PCDHA8: variants seen among roughly 807,000 people sequenced by gnomAD.
PCDHA8 encodes protocadherin alpha-8.
In PCDHA8, 53 loss-of-function variants were observed where a neutral mutation model predicts 61.8. That is an observed-to-expected ratio of 0.86 (90% CI 0.69 to 1.08). PCDHA8 has a LOEUF of 1.08. PCDHA8 is among the 50% of genes least tolerant of loss of function. The pLI is 0.00. For missense variants in PCDHA8, 1,293 were observed against 1,245.0 expected (o/e 1.04, Z -0.58); for synonymous variants, 618 against 556.6 (o/e 1.11, Z -1.55).
At chr5:140,981,289 C>G (rs1554242771) in intron 2 of PCDHA8, among the ~76,000 whole-genome samples, 1 of 152,138 alleles carries the variant, frequency 6.6e-6, no homozygotes, top group Non-Finnish European at 1.5e-5. Flanking sequence ...AAAGGGTCCT[C>G]TAGTCTAGGT....
rs543216216 is a variant in PCDHA8, at chr5:140,917,329, G to A, written c.2395-61620G>A. 1.4e-4 allele frequency among the ~76,000 whole-genome samples: 20 copies of A among 144,014 alleles called. 2 individuals are homozygous for A. In the South Asian group the frequency reaches 2.0e-3, roughly 14 times the overall value. The allele number at this position is 144,014 out of a possible 152,430, so 94.5% of individuals were successfully genotyped here. ...ACAATTTGGTGTTCATGTGGCGGGG[G>A]AGGGGGGGGATGGTGTAGGCTTCTG... is the stretch of plus-strand genomic sequence containing the variant. On this transcript the variant is annotated intron_variant, in intron 1 of 3. Coordinates refer to ENST00000531613, the MANE Select transcript of PCDHA8 (RefSeq NM_018911.3).
chr5:140,855,609 T>C (rs1471221233), intron 1 of PCDHA8, among the ~76,000 whole-genome samples: 1 of 149,748 alleles, frequency 6.7e-6, no homozygotes, highest in African/African-American at 2.5e-5. Flanking sequence ...TATGCAAATA[T>C]TAAGGGCATT....
At chr5:141,006,353 A>G (rs2098269096) in intron 3 of PCDHA8, among the ~76,000 whole-genome samples, 1 of 151,784 alleles carries the variant, frequency 6.6e-6, no homozygotes, top group Admixed American at 6.6e-5. Flanking sequence ...CTGGGACTAT[A>G]GGCGCCCACC....
At chr5:140,884,130 C>G (rs1554181258) in intron 1 of PCDHA8, 4 of 1,613,434 alleles carry the variant, frequency 2.5e-6, no homozygotes, top group African/African-American at 1.3e-5. Context: ...GCGCGCATCC[C>G]GTTCCGCGTG....
intron 1 of PCDHA8, among the ~76,000 whole-genome samples, chr5:140,964,573 G>A (rs191009049): frequency 3.0e-4 from 45 of 152,274 alleles, no homozygotes; most frequent in African/African-American, 1.9e-4. Flanking sequence ...GAGGAGATAA[G>A]GGGAGGAAAG....
Position 140,842,755 on chromosome 5 carries a change from T to A in PCDHA8, c.1434T>A (p.Ser478=). The change falls in exon 1 of 4, where the codon TCT becomes TCA. Residue 478 remains serine, a synonymous_variant. Transcript: ENST00000531613. ...CGGGCTGCCACATCTTCACGGTGTC[T>A]GCGCGAGACGCGGACGCGCAGGAGA... ...NPPGCHIFTV[S]ARDADAQENA... The A allele has an allele frequency of 6.3e-7, 1 of 1,594,888 alleles. No individual in the cohort carries two copies. The highest frequency in any genetic ancestry group is 8.6e-7 in the Non-Finnish European group (1 of 1,165,438).
In PCDHA8 at chr5:140,998,188, AG is replaced by A. The variant is rs375338994; in HGVS notation, c.2543-11438del. On this transcript the variant is annotated intron_variant, in intron 3 of 3. Transcript: ENST00000531613. ...CAAGTATTATTCTAAGCACTTTACAAGTATTAACTCCTTTAATCTGTATAAC... is the reference window on the plus strand; with the variant it reads ...CAAGTATTATTCTAAGCACTTTACAATATTAACTCCTTTAATCTGTATAAC... Among the ~76,000 whole-genome samples, 972 of 152,318 alleles carry A rather than the reference AG, an allele frequency of 6.4e-3. 14 individuals are homozygous for A. Among genetic ancestry groups the A allele is most frequent in the African/African-American group, 0.023 (946 of 41,556 alleles).
intron 1 of PCDHA8, chr5:140,927,762 T>A (rs781993567): frequency 1.8e-5 from 29 of 1,613,934 alleles, no homozygotes; most frequent in Non-Finnish European, 2.4e-5. Context: ...ACCCTAAAAG[T>A]GGGGAGGTGC....
At chr5:140,962,076 G>A (rs2095654806) in intron 1 of PCDHA8, among the ~76,000 whole-genome samples, 1 of 151,758 alleles carries the variant, frequency 6.6e-6, no homozygotes. Flanking sequence ...TAGTAGAGAC[G>A]GGGTTTCACC....
intron 1 of PCDHA8, among the ~76,000 whole-genome samples, chr5:140,941,995 T>C (rs1243854944): frequency 6.6e-6 from 1 of 152,234 alleles, no homozygotes; most frequent in Non-Finnish European, 1.5e-5. Context: ...AAGGGATTCA[T>C]ATCTCTTATT....
intron 1 of PCDHA8, among the ~76,000 whole-genome samples, chr5:140,874,989 A>G (rs1411320872): frequency 6.6e-6 from 1 of 152,218 alleles, no homozygotes; most frequent in Non-Finnish European, 1.5e-5. Context: ...ATTATTCTGT[A>G]TATCATTTTC....
chr5:140,875,410 ATACC>A (rs1259407256), intron 1 of PCDHA8: 2 of 1,502,000 alleles, frequency 1.3e-6, no homozygotes, highest in Non-Finnish European at 1.8e-6. Context: ...TGCTCATAAA[ATACC>A]TCAGGCAAGC....
chr5:140,928,473 C>T (rs782009999), intron 1 of PCDHA8: 1 of 1,613,978 alleles, frequency 6.2e-7, no homozygotes, highest in Admixed American at 1.7e-5. Context: ...AAGTAGAAGG[C>T]CGGGATGGTG....
intron 1 of PCDHA8, among the ~76,000 whole-genome samples, chr5:140,906,376 C>T (rs1372120775): frequency 1.3e-5 from 2 of 152,166 alleles, no homozygotes; most frequent in Admixed American, 6.5e-5. Context: ...AATGCTATTA[C>T]ATAAAGTTAA....
intron 3 of PCDHA8, among the ~76,000 whole-genome samples, chr5:140,989,910 G>A (rs941838001): frequency 3.3e-5 from 5 of 152,062 alleles, no homozygotes; most frequent in African/African-American, 1.2e-4. Flanking sequence ...ATCAGAAAAA[G>A]AGGGAGAGCA....
intron 1 of PCDHA8, chr5:140,966,281 G>C (rs1261464121): frequency 8.2e-5 from 30 of 366,710 alleles, no homozygotes; most frequent in Non-Finnish European, 1.3e-4. Flanking sequence ...TGGACAGTGG[G>C]GGTAGGGAGA....
chr5:140,877,326 G>T (rs781931363), intron 1 of PCDHA8: 1 of 1,613,964 alleles, frequency 6.2e-7, no homozygotes, highest in East Asian at 2.2e-5. Flanking sequence ...CGGTCGGCGC[G>T]CACATCCCGT....
At chr5:140,934,430 G>A (rs1249557283) in intron 1 of PCDHA8, among the ~76,000 whole-genome samples, 1 of 152,108 alleles carries the variant, frequency 6.6e-6, no homozygotes, top group Non-Finnish European at 1.5e-5. Context: ...CAATGCAAGT[G>A]TAAATATAGT....
At chr5:140,860,225 A>C (rs2046280777) in intron 1 of PCDHA8, 1 of 151,528 alleles carries the variant, frequency 6.6e-6, no homozygotes, top group South Asian at 2.1e-4. Flanking sequence ...ATGTATATAT[A>C]AGCCAGGCAT....
Sources: allele counts gnomAD v4.1 joint callset (sites outside exome capture counted in the v4.1 genomes callset), GRCh38; gene constraint gnomAD v4.1.1; transcripts MANE v1.5; gene names NCBI Gene and HGNC (gene_info 2026-07-23, HGNC 2026-07-21).